Variants in SEMA3C observed in about 807,000 individuals in gnomAD.
The protein encoded by SEMA3C is semaphorin-3C.
SEMA3C carries 47 observed loss-of-function variants against 89.4 expected under a neutral mutation model. The ratio of observed to expected loss-of-function variants is 0.53; its 90% CI spans 0.42 to 0.67. SEMA3C has a LOEUF of 0.67. SEMA3C is among the 30% of genes least tolerant of loss of function. The pLI, the probability that SEMA3C is intolerant of heterozygous loss-of-function variation, is 0.00. For missense variants in SEMA3C, 839 were observed against 929.1 expected, an observed-to-expected ratio of 0.90 and a Z score of 1.26; for synonymous variants, 310 against 320.2, an observed-to-expected ratio of 0.97 and a Z score of 0.34.
intron 12 of SEMA3C, among the ~76,000 whole-genome samples, chr7:80,766,918 T>C (rs975751725): frequency 6.6e-6 from 1 of 152,164 alleles, no homozygotes; most frequent in African/African-American, 2.4e-5. Context: ...ACACTGCGCA[T>C]GCTCTCCTCC....
At chr7:80,783,820 A>G (rs149279969) in intron 12 of SEMA3C, among the ~76,000 whole-genome samples, 1 of 152,328 alleles carries the variant, frequency 6.6e-6, no homozygotes, top group East Asian at 1.9e-4. Flanking sequence ...ACACTTTCAG[A>G]GGACTTCCTG....
intron 2 of SEMA3C, among the ~76,000 whole-genome samples, chr7:80,880,568 G>A (rs1791310272): frequency 1.3e-5 from 2 of 152,142 alleles, no homozygotes; most frequent in African/African-American, 2.4e-5. Flanking sequence ...TGCCTGGGGG[G>A]AAATGCAACT....
intron 2 of SEMA3C, among the ~76,000 whole-genome samples, chr7:80,859,046 T>C (rs751317750): frequency 3.3e-5 from 5 of 152,138 alleles, no homozygotes; most frequent in Non-Finnish European, 7.3e-5. Flanking sequence ...GTTTGAAACC[T>C]TTGAAACTCC....
chr7:80,902,058 T>C (rs1161677988), intron 2 of SEMA3C, among the ~76,000 whole-genome samples: 1 of 152,196 alleles, frequency 6.6e-6, no homozygotes, highest in Admixed American at 6.5e-5. Context: ...GCTCAAGTGA[T>C]CCTCCTACCT....
At chr7:80,852,043 C>G (rs572083874) in intron 2 of SEMA3C, among the ~76,000 whole-genome samples, 2 of 152,298 alleles carry the variant, frequency 1.3e-5, no homozygotes, top group East Asian at 1.9e-4. Context: ...GCTTGTTACT[C>G]TTATACAGAG....
At chr7:80,851,605 G>T (rs951247955) in intron 2 of SEMA3C, among the ~76,000 whole-genome samples, 2 of 147,710 alleles carry the variant, frequency 1.4e-5, no homozygotes, top group Non-Finnish European at 3.0e-5. Flanking sequence ...CACAGAGTAT[G>T]ACTGACAATA....
intron 17 of SEMA3C, among the ~76,000 whole-genome samples, chr7:80,748,564 C>T (rs1787851079): frequency 6.6e-6 from 1 of 152,140 alleles, no homozygotes. Context: ...TTGTGAATCA[C>T]ACAAAGGTGC....
chr7:80,742,642 A>G lies in SEMA3C; in HGVS notation c.*2252T>C, dbSNP rs1787708849. 6.6e-6 allele frequency: 1 copy of G among 152,020 alleles called. No individual in the cohort carries two copies. The highest frequency in any genetic ancestry group is 2.4e-5 in the African/African-American group (1 of 41,452). The allele number at this position is 152,020 out of a possible 1,614,324, so 9.4% of individuals were successfully genotyped here. A position where few individuals can be genotyped will look rare whatever the true frequency, so the allele number is the denominator to read the frequency against. On this transcript the variant is annotated 3_prime_UTR_variant, in exon 18 of 18. Transcript: ENST00000265361. The stretch of plus-strand genomic sequence containing the variant: ...TTAGTTTGTTTTCTTACACAGATTG[A>G]ACATTCACCATTATGACAGTTTCAT...
intron 12 of SEMA3C, 77 bp from the exon 13 acceptor site, chr7:80,765,320 T>TG (rs1458215378): frequency 5.9e-6 from 6 of 1,024,328 alleles, no homozygotes; most frequent in Non-Finnish European, 9.0e-6. Context: ...ACTACTGACT[T>TG]GGACCATTAT....
intron 12 of SEMA3C, among the ~76,000 whole-genome samples, chr7:80,780,510 T>A (rs1383234573): frequency 6.6e-6 from 1 of 152,196 alleles, no homozygotes; most frequent in Admixed American, 6.5e-5. Flanking sequence ...AAGCATAGAT[T>A]AAGCCATAAC....
chr7:80,806,745 G>A (rs76910390), intron 6 of SEMA3C, among the ~76,000 whole-genome samples: 5,039 of 152,108 alleles, frequency 0.033, 117 homozygotes, highest in Non-Finnish European at 0.051. Context: ...TATCAGCCTG[G>A]CCCACTGAAC....
At chr7:80,879,346 G>C (rs1583972605) in intron 2 of SEMA3C, among the ~76,000 whole-genome samples, 1 of 152,188 alleles carries the variant, frequency 6.6e-6, no homozygotes, top group Non-Finnish European at 1.5e-5. Context: ...TAGAGACAAA[G>C]GATGAAGAAT....
intron 2 of SEMA3C, among the ~76,000 whole-genome samples, chr7:80,830,060 T>C (rs1272218374): frequency 1.3e-5 from 2 of 152,180 alleles, no homozygotes; most frequent in African/African-American, 4.8e-5. Flanking sequence ...ACTTGGGCCA[T>C]AGCCCATATG....
At chr7:80,767,326 T>G (rs536305214) in intron 12 of SEMA3C, among the ~76,000 whole-genome samples, 1 of 152,238 alleles carries the variant, frequency 6.6e-6, no homozygotes, top group South Asian at 2.1e-4. Context: ...ATAAGCTGAA[T>G]CAAATCAGAA....
intron 12 of SEMA3C, among the ~76,000 whole-genome samples, chr7:80,774,510 G>A (rs1583865578): frequency 6.6e-6 from 1 of 152,012 alleles, no homozygotes; most frequent in East Asian, 1.9e-4. Context: ...ATTCATTAAA[G>A]AAATAAAGAC....
intron 7 of SEMA3C, 120 bp from the exon 8 acceptor site, chr7:80,804,368 T>C: frequency 1.8e-6 from 1 of 560,762 alleles, no homozygotes; most frequent in Non-Finnish European, 2.8e-6. Context: ...ATTCAACATT[T>C]ACAGGCACAT....
At chr7:80,746,191 T>C (rs1007905603) in intron 17 of SEMA3C, among the ~76,000 whole-genome samples, 1 of 152,124 alleles carries the variant, frequency 6.6e-6, no homozygotes, top group Non-Finnish European at 1.5e-5. Flanking sequence ...CGTTAAATGT[T>C]TTCCTAAATG....
chr7:80,877,003 T>A (rs948723549), intron 2 of SEMA3C, among the ~76,000 whole-genome samples: 13 of 152,212 alleles, frequency 8.5e-5, no homozygotes, highest in Non-Finnish European at 1.5e-4. Flanking sequence ...GTGTTGACAT[T>A]CAGCTTTGTC....
intron 6 of SEMA3C, among the ~76,000 whole-genome samples, chr7:80,808,411 A>G (rs1190009680): frequency 1.3e-5 from 2 of 152,220 alleles, no homozygotes; most frequent in African/African-American, 4.8e-5. Flanking sequence ...CTTCTATTAA[A>G]TATTTGGAAA....
Sources: allele counts gnomAD v4.1 joint callset (sites outside exome capture counted in the v4.1 genomes callset), GRCh38; gene constraint gnomAD v4.1.1; transcripts MANE v1.5; gene names NCBI Gene and HGNC (gene_info 2026-07-23, HGNC 2026-07-21).